Variants in DCLK1 observed in about 807,000 individuals in gnomAD.
DCLK1 encodes the protein doublecortin like kinase 1.
In DCLK1, 16 loss-of-function variants were observed where a neutral mutation model predicts 86.2. That is an observed-to-expected ratio of 0.19 (90% CI 0.13 to 0.28). The LOEUF (loss-of-function observed/expected upper bound fraction) is 0.28, where lower values mean the gene tolerates loss of function less well. Ranked by LOEUF, DCLK1 falls within the 10% of genes least tolerant of loss-of-function variation. The pLI, the probability that DCLK1 is intolerant of heterozygous loss-of-function variation, is 1.00. For synonymous variants in DCLK1, 369 were observed against 370.5 expected (o/e 1.00, Z 0.05); for missense variants, 590 against 940.2 (o/e 0.63, Z 4.87).
chr13:35,877,961 C>G (rs1539547), intron 4 of DCLK1, among the ~76,000 whole-genome samples: 13,396 of 152,306 alleles, frequency 0.088, 598 homozygotes, highest in South Asian at 0.12. Context: ...TCACTTCCCT[C>G]CCCTTGGGAG....
chr13:35,934,078 G>A (rs1415527233), intron 4 of DCLK1, among the ~76,000 whole-genome samples: 1 of 152,062 alleles, frequency 6.6e-6, no homozygotes, highest in Non-Finnish European at 1.5e-5. Context: ...CTCTAGGTCA[G>A]GGGGAAAATG....
intron 3 of DCLK1, among the ~76,000 whole-genome samples, chr13:35,961,278 T>A (rs1284406754): frequency 6.6e-6 from 1 of 152,142 alleles, no homozygotes; most frequent in African/African-American, 2.4e-5. Flanking sequence ...GAAAAGCAAA[T>A]AATAGCAGTA....
intron 3 of DCLK1, among the ~76,000 whole-genome samples, chr13:36,005,615 CA>C (rs1372648364): frequency 2.0e-5 from 3 of 152,186 alleles, no homozygotes; most frequent in Non-Finnish European, 2.9e-5. Flanking sequence ...ATATGCTATT[CA>C]ACCACAAAAG....
intron 9 of DCLK1, 85 bp from the exon 10 acceptor site, chr13:35,827,839 G>T: frequency 6.7e-7 from 1 of 1,499,570 alleles, no homozygotes. Context: ...ACTATGTAAG[G>T]GTCAAGAGAG....
chr13:35,938,787 C>G (rs1876915068), intron 4 of DCLK1, among the ~76,000 whole-genome samples: 1 of 152,044 alleles, frequency 6.6e-6, no homozygotes, highest in Non-Finnish European at 1.5e-5. Context: ...ACCTCCAAGA[C>G]CTTTAGTGTC....
At chr13:36,025,520 T>G (rs1197537691) in intron 3 of DCLK1, among the ~76,000 whole-genome samples, 1 of 152,194 alleles carries the variant, frequency 6.6e-6, no homozygotes, top group African/African-American at 2.4e-5. Context: ...ACGTGGTATA[T>G]TTATTCAGTG....
intron 3 of DCLK1, among the ~76,000 whole-genome samples, chr13:36,028,499 C>T (rs1228663154): frequency 1.3e-5 from 2 of 152,192 alleles, no homozygotes; most frequent in Non-Finnish European, 2.9e-5. Context: ...TGAACTTCCT[C>T]GTTTCCTTTG....
rs574493011 is a variant in DCLK1, at chr13:36,110,950, C to T, written c.723+919G>A. 6.6e-4 allele frequency among the ~76,000 whole-genome samples: 100 copies of T among 151,538 alleles called. 1 individual carries two copies. The highest frequency in any genetic ancestry group is 6.1e-3 in the Admixed American group (92 of 15,186). On this transcript the variant is annotated intron_variant, in intron 3 of 16. Coordinates refer to ENST00000360631, the MANE Select transcript of DCLK1 (RefSeq NM_001330071.2). ...GGTTCACGCCATTCTCCTGCCTCAG[C>T]CCCCTGAGTAGCTGGGACTACAGGC...
At chr13:35,785,240 A>AG (rs2086599668) in intron 16 of DCLK1, among the ~76,000 whole-genome samples, 1 of 152,190 alleles carries the variant, frequency 6.6e-6, no homozygotes, top group Non-Finnish European at 1.5e-5. Context: ...TACAGGGCAT[A>AG]GCACTTGCCA....
At chr13:36,129,664 G>T (rs984047030) in intron 1 of DCLK1, among the ~76,000 whole-genome samples, 1 of 152,190 alleles carries the variant, frequency 6.6e-6, no homozygotes, top group Non-Finnish European at 1.5e-5. Flanking sequence ...GCACAGGAAG[G>T]CTGCGAGAAC....
At position 36,002,074 on chromosome 13, in the gene DCLK1, T is replaced by A. The variant is rs1880746348; in HGVS notation, c.724-54617A>T. Among the ~76,000 whole-genome samples the A allele has an allele frequency of 2.0e-5, 3 of 152,220 alleles. No homozygotes were observed. The South Asian group carries it at 6.2e-4, about 32-fold the overall frequency. On this transcript the variant is annotated intron_variant, in intron 3 of 16. Transcript: ENST00000360631. ...CAACAACTCTACTCACAAGGCCAGG[T>A]AAAACATATGATAAAAAATAGCCAA... is the stretch of plus-strand genomic sequence containing the variant.
At chr13:36,097,080 G>A (rs775060849) in intron 3 of DCLK1, among the ~76,000 whole-genome samples, 2 of 152,198 alleles carry the variant, frequency 1.3e-5, no homozygotes, top group Non-Finnish European at 2.9e-5. Context: ...GGTTAAAGGC[G>A]ATGAACTTAG....
intron 3 of DCLK1, among the ~76,000 whole-genome samples, chr13:36,002,130 C>T (rs1039571939): frequency 1.3e-5 from 2 of 152,128 alleles, no homozygotes; most frequent in Admixed American, 6.5e-5. Context: ...CAATTCAAGG[C>T]TTGGTGTAGG....
intron 4 of DCLK1, among the ~76,000 whole-genome samples, chr13:35,900,272 G>A (rs1177675): frequency 0.16 from 23,648 of 143,936 alleles, 2,269 homozygotes; most frequent in East Asian, 0.27. Flanking sequence ...ACAGAGTCTC[G>A]CTCTGTTGCC....
rs1875277107 is a variant in DCLK1, at chr13:35,914,377, A to ACG, written c.823+32980_823+32981insCG. Among the ~76,000 whole-genome samples, 4 of 111,670 alleles carry ACG rather than the reference A, an allele frequency of 3.6e-5. No individual in the cohort carries two copies. The South Asian group carries it at 8.8e-4, about 25-fold the overall frequency. The allele number at this position is 111,670 out of a possible 152,430, so 73.3% of individuals were successfully genotyped here. A position where few individuals can be genotyped will look rare whatever the true frequency, so the allele number is the denominator to read the frequency against. On this transcript the variant is annotated intron_variant, in intron 4 of 16. Transcript: ENST00000360631. ...TATATATATATATATATGTATATAT[A>ACG]TATATATATATATAAGCAAAATTAT...
intron 1 of DCLK1, among the ~76,000 whole-genome samples, chr13:36,128,311 C>G (rs146031442): frequency 9.2e-4 from 140 of 152,224 alleles, no homozygotes; most frequent in Non-Finnish European, 1.5e-3. Context: ...TATTAATATT[C>G]AGGTGAATAT....
intron 6 of DCLK1, among the ~76,000 whole-genome samples, chr13:35,852,125 G>C (rs1870696613): frequency 6.6e-6 from 1 of 152,104 alleles, no homozygotes; most frequent in Admixed American, 6.6e-5. Flanking sequence ...GCAGTAAAAA[G>C]AGTTAATTTA....
chr13:35,883,810 G>A (rs776235545), intron 4 of DCLK1, among the ~76,000 whole-genome samples: 3 of 152,138 alleles, frequency 2.0e-5, no homozygotes, highest in Non-Finnish European at 2.9e-5. Flanking sequence ...ATTGCATAGG[G>A]GCAGGTAGAC....
intron 16 of DCLK1, among the ~76,000 whole-genome samples, chr13:35,775,460 A>T (rs1046564082): frequency 3.3e-5 from 5 of 152,178 alleles, no homozygotes; most frequent in African/African-American, 1.2e-4. Flanking sequence ...ACCTCCGATG[A>T]TTCCCCGGAT....
Sources: gnomAD v4.1 joint callset for allele counts (sites outside exome capture counted in the v4.1 genomes callset) on GRCh38, gnomAD v4.1.1 for gene constraint, MANE v1.5 for transcripts, NCBI Gene and HGNC (gene_info 2026-07-23, HGNC 2026-07-21) for gene names.